LMOD3: variants seen among roughly 807,000 people sequenced by gnomAD.
The protein encoded by LMOD3 is leiomodin 3, also known as leiomodin-3.
A neutral mutation model predicts 41.8 loss-of-function variants in LMOD3; 31 were observed. The ratio of observed to expected loss-of-function variants is 0.74; its 90% CI spans 0.56 to 1.00. LMOD3 has a LOEUF of 1.00. Among genes scored for constraint, LMOD3 ranks in the 50% least tolerant of loss-of-function variants. The pLI is 0.00. For missense variants in LMOD3, 755 were observed against 679.5 expected, an observed-to-expected ratio of 1.11 and a Z score of -1.23; for synonymous variants, 292 against 241.9, an observed-to-expected ratio of 1.21 and a Z score of -1.92.
Position 69,107,453 on chromosome 3 carries a change from G to GTTTTTTTTTTTTTTTTTTTTTT in LMOD3, c.*1620_*1641dup, listed in dbSNP as rs752807599. On this transcript the variant is annotated 3_prime_UTR_variant, in exon 3 of 3. Transcript: ENST00000420581. The stretch of plus-strand genomic sequence containing the variant: ...AAAGAAGAGAGAAAAGGCACCAAAG[G>GTTTTTTTTTTTTTTTTTTTTTT]TTTTTTTTTTTTTTTTTTTTTTTTT... 5 of 37,374 alleles carry GTTTTTTTTTTTTTTTTTTTTTT rather than the reference G, an allele frequency of 1.3e-4. 1 individual carries two copies. Among genetic ancestry groups the GTTTTTTTTTTTTTTTTTTTTTT allele is most frequent in the Non-Finnish European group, 2.3e-4 (4 of 17,718 alleles). The allele number at this position is 37,374 out of a possible 1,614,324, so 2.3% of individuals were successfully genotyped here. A position where few individuals can be genotyped will look rare whatever the true frequency, so the allele number is the denominator to read the frequency against.
At chr3:69,109,765 G>A (rs538314029) in intron 2 of LMOD3, among the ~76,000 whole-genome samples, 5 of 152,128 alleles carry the variant, frequency 3.3e-5, no homozygotes, top group Non-Finnish European at 5.9e-5. Flanking sequence ...CTGGCCTCAA[G>A]TGATTCACTT....
At chr3:69,116,412 G>A (rs2092373276) in intron 2 of LMOD3, among the ~76,000 whole-genome samples, 1 of 152,196 alleles carries the variant, frequency 6.6e-6, no homozygotes, top group South Asian at 2.1e-4. Flanking sequence ...AACCGAGGGT[G>A]ATATGCAAGA....
Position 69,107,450 on chromosome 3 carries a change from A to G in LMOD3, c.*1645T>C, listed in dbSNP as rs992475701. ...GGTAAAGAAGAGAGAAAAGGCACCA[A>G]AGGTTTTTTTTTTTTTTTTTTTTTT... On this transcript the variant is annotated 3_prime_UTR_variant, in exon 3 of 3. Coordinates refer to ENST00000420581, the MANE Select transcript of LMOD3 (RefSeq NM_198271.5). 1 of 86,238 alleles carries G rather than the reference A, an allele frequency of 1.2e-5. No individual in the cohort carries two copies. Among genetic ancestry groups the G allele is most frequent in the Non-Finnish European group, 2.8e-5 (1 of 36,202 alleles). 5.3% of individuals were successfully genotyped at this position (86,238 alleles called of 1,614,324 possible).
rs537602397 is a variant in LMOD3 at position 69,119,887 on chromosome 3, G to A, written c.468C>T (p.Asp156=). 32 of 1,546,476 alleles carry A rather than the reference G, an allele frequency of 2.1e-5. No homozygotes were observed. The highest frequency in any genetic ancestry group is 1.8e-4 in the African/African-American group (13 of 72,996). ...EDEEEEDDDD[D]DEGEDDGEES... ...CTTCACCATCATCTTCTCCTTCGTC[G>A]TCATCATCATCATCTTCTTCTTCTT... Residue 156 remains aspartate (D), a synonymous_variant, in exon 2 of 3, where the codon GAC becomes GAT. Transcript: ENST00000420581.
At position 69,119,699 on chromosome 3, in the gene LMOD3, T is replaced by C. The variant is rs190038977; in HGVS notation, c.656A>G (p.Lys219Arg). Reference protein sequence around the residue: ...SEKKISKLDPKKLALDTSFLK... With the variant: ...SEKKISKLDPRKLALDTSFLK... ...AAAGCTGGTGTCTAGAGCTAACTTC[T>C]TAGGATCTAATTTCGATATTTTTTT... The change falls in exon 2 of 3, where the codon AAG becomes AGG. Residue 219 changes from lysine to arginine, a missense_variant. Lys to Arg is a conservative substitution (Grantham distance 26, BLOSUM62 2). Coordinates refer to ENST00000420581, the MANE Select transcript of LMOD3 (RefSeq NM_198271.5). 2 of 1,613,854 alleles carry C rather than the reference T, an allele frequency of 1.2e-6. No individual in the cohort carries two copies. Among genetic ancestry groups the C allele is most frequent in the Non-Finnish European group, 1.7e-6 (2 of 1,179,902 alleles).
Position 69,119,267 on chromosome 3 carries a change from A to C in LMOD3, c.1088T>G (p.Leu363Arg), listed in dbSNP as rs751275687. ...CAGGAGAGTGTTGTTTGCCTTCAAA[A>C]GCCTGGCTATTTCCATTTCAGCATG... ...GHHAEMEIARLLKANNTLLKM... is the reference protein window; with the variant it reads ...GHHAEMEIARRLKANNTLLKM... The change falls in exon 2 of 3, where the codon CTT (leucine) becomes CGT (arginine). Residue 363 changes from leucine to arginine, a missense_variant. Physicochemically the swap from Leu to Arg is moderately radical, Grantham distance 102. Transcript: ENST00000420581. 3 of 1,613,966 alleles carry C rather than the reference A, an allele frequency of 1.9e-6. No individual in the cohort carries two copies. Among genetic ancestry groups the C allele is most frequent in the South Asian group, 2.2e-5 (2 of 91,078 alleles).
chr3:69,110,853 A>AAAAAAAAAAAAAAATATATATATATAT (rs1458630453), intron 2 of LMOD3, among the ~76,000 whole-genome samples: 7 of 104,120 alleles, frequency 6.7e-5, no homozygotes, highest in African/African-American at 3.4e-4. Flanking sequence ...AAAAAAAAAA[A>AAAAAAAAAAAAAAATATATATATATAT]ATATATATAT....
intron 1 of LMOD3, among the ~76,000 whole-genome samples, chr3:69,121,085 T>C (rs2092405055): frequency 6.6e-6 from 1 of 152,114 alleles, no homozygotes; most frequent in Non-Finnish European, 1.5e-5. Context: ...GAGCCAACCA[T>C]CAAGCTGTTC....
In LMOD3 at chr3:69,107,971, G is replaced by A. The variant is rs551216049; in HGVS notation, c.*1124C>T. 3.9e-5 allele frequency: 6 copies of A among 152,272 alleles called. No homozygotes were observed. Among genetic ancestry groups the A allele is most frequent in the African/African-American group, 1.2e-4 (5 of 41,540 alleles). The allele number at this position is 152,272 out of a possible 1,614,324, so 9.4% of individuals were successfully genotyped here. On this transcript the variant is annotated 3_prime_UTR_variant, in exon 3 of 3. Transcript: ENST00000420581. The stretch of plus-strand genomic sequence containing the variant: ...CCGGGAGTTGAAGACTGGGTAGGAC[G>A]TTCATTAATGGAGAACAGGAGGGAA...
chr3:69,115,519 A>ACACAC lies in LMOD3; in HGVS notation c.1656+3179_1656+3180insGTGTG, dbSNP rs764920392. On this transcript the variant is annotated intron_variant, in intron 2 of 2. Coordinates refer to ENST00000420581, the MANE Select transcript of LMOD3 (RefSeq NM_198271.5). ...ACACACACACACACACACACACACAAAACTTTTCTAAGAAAAAAATTTGTT... is the reference window on the plus strand; with the variant it reads ...ACACACACACACACACACACACACAACACACAACTTTTCTAAGAAAAAAATTTGTT... Among the ~76,000 whole-genome samples, 2,769 of 143,338 alleles carry ACACAC rather than the reference A, an allele frequency of 0.019. 147 individuals are homozygous for ACACAC. The East Asian group carries it at 0.23, about 12-fold the overall frequency. 94.0% of individuals were successfully genotyped at this position (143,338 alleles called of 152,430 possible).
chr3:69,119,905 TTCTTCTTCA>T lies in LMOD3; in HGVS notation c.441_449del (p.Asp147_Glu149del), dbSNP rs1179727503. ...CTTCGTCGTCATCATCATCATCTTC[TTCTTCTTCA>T]TCTTCTTCATCTGTTTCTTGGATAT... On this transcript the variant is annotated inframe_deletion, in exon 2 of 3. Coordinates refer to ENST00000420581, the MANE Select transcript of LMOD3 (RefSeq NM_198271.5). The T allele has an allele frequency of 1.8e-5, 28 of 1,547,814 alleles. No homozygotes were observed. The highest frequency in any genetic ancestry group is 1.1e-4 in the African/African-American group (8 of 73,128).
intron 2 of LMOD3, among the ~76,000 whole-genome samples, chr3:69,110,853 A>AAAAAAAAAATATAT (rs1458630453): frequency 9.6e-6 from 1 of 104,164 alleles, no homozygotes; most frequent in African/African-American, 4.8e-5. Context: ...AAAAAAAAAA[A>AAAAAAAAAATATAT]ATATATATAT....
intron 2 of LMOD3, among the ~76,000 whole-genome samples, chr3:69,111,318 G>A (rs1470344624): frequency 6.6e-6 from 1 of 152,138 alleles, no homozygotes; most frequent in Non-Finnish European, 1.5e-5. Flanking sequence ...CATGGCTTCT[G>A]ACCCTCTACC....
At chr3:69,109,307 C>T (rs2107519817) in intron 2 of LMOD3, among the ~76,000 whole-genome samples, 186 bp from the exon 3 acceptor site, 1 of 152,156 alleles carries the variant, frequency 6.6e-6, no homozygotes, top group Non-Finnish European at 1.5e-5. Flanking sequence ...TAGACATTTA[C>T]TAATGCCAGG....
At position 69,109,023 on chromosome 3, in the gene LMOD3, A is replaced by G. The variant is rs2092336028; in HGVS notation, c.*72T>C. On this transcript the variant is annotated 3_prime_UTR_variant, in exon 3 of 3. Coordinates refer to ENST00000420581, the MANE Select transcript of LMOD3 (RefSeq NM_198271.5). Reference sequence around the variant, plus strand: ...CGTGGATCCTAAAGTATTGCTGCTGACATAGTCTCCATGCTGTAATCCAAG... The same window carrying G: ...CGTGGATCCTAAAGTATTGCTGCTGGCATAGTCTCCATGCTGTAATCCAAG... 7.7e-7 allele frequency: 1 copy of G among 1,300,302 alleles called. No homozygotes were observed. Among genetic ancestry groups the G allele is most frequent in the South Asian group, 1.3e-5 (1 of 78,218 alleles). The allele number at this position is 1,300,302 out of a possible 1,614,324, so 80.5% of individuals were successfully genotyped here. A position where few individuals can be genotyped will look rare whatever the true frequency, so the allele number is the denominator to read the frequency against.
In LMOD3 at chr3:69,119,987, A is replaced by G. The variant is rs2092399846; in HGVS notation, c.368T>C (p.Leu123Pro). The G allele has an allele frequency of 6.2e-7, 1 of 1,604,188 alleles. No homozygotes were observed. The highest frequency in any genetic ancestry group is 8.5e-7 in the Non-Finnish European group (1 of 1,174,772). ...KNMAQYLKEK[L>P]NNEIVANKRE... ...TTTATTTGCAACTATTTCATTATTG[A>G]GCTTTTCTTTTAAATACTGGGCCAT... The change falls in exon 2 of 3, where the codon CTC becomes CCC. Residue 123 changes from leucine (L) to proline (P), a missense_variant. Coordinates refer to ENST00000420581, the MANE Select transcript of LMOD3 (RefSeq NM_198271.5).
rs181434087 is a variant in LMOD3 at position 69,119,428 on chromosome 3, A to G, written c.927T>C (p.Asn309=). Residue 309 remains asparagine, a synonymous_variant, in exon 2 of 3, where the codon AAT becomes AAC. Coordinates refer to ENST00000420581, the MANE Select transcript of LMOD3 (RefSeq NM_198271.5). ...AFALANMLRE[N]RSITTLNIES... is the part of the protein sequence containing the mutation. ...CGATGTTGAGAGTGGTGATGCTTCTATTTTCACGCAACATGTTAGCCAAGG... is the reference window on the plus strand; with the variant it reads ...CGATGTTGAGAGTGGTGATGCTTCTGTTTTCACGCAACATGTTAGCCAAGG... 1.2e-4 allele frequency: 187 copies of G among 1,613,904 alleles called. 1 individual carries two copies. The African/African-American group carries it at 1.6e-3, about 14-fold the overall frequency.
At chr3:69,114,737 C>T (rs886655469) in intron 2 of LMOD3, among the ~76,000 whole-genome samples, 2 of 152,170 alleles carry the variant, frequency 1.3e-5, no homozygotes, top group Non-Finnish European at 1.5e-5. Flanking sequence ...AAACTCCTGG[C>T]CTCAAGTGAT....
At position 69,118,980 on chromosome 3, in the gene LMOD3, TTTGGGGG is replaced by T. The variant is rs1238774346; in HGVS notation, c.1368_1374del (p.Asn456LysfsTer11). ...TCACTGCGTTGACTAAAGGGGACAT[TTTGGGGG>T]TTGGGAGGCCGAGGTGGCGGTGGCT... On this transcript the variant is annotated frameshift_variant, in exon 2 of 3. Coordinates refer to ENST00000420581, the MANE Select transcript of LMOD3 (RefSeq NM_198271.5). LOFTEE classifies it high-confidence loss of function. 6.2e-7 allele frequency: 1 copy of T among 1,613,194 alleles called. No individual in the cohort carries two copies. Among genetic ancestry groups the T allele is most frequent in the Admixed American group, 1.7e-5 (1 of 59,900 alleles).
Sources: allele counts gnomAD v4.1 joint callset (sites outside exome capture counted in the v4.1 genomes callset), GRCh38; gene constraint gnomAD v4.1.1; transcripts MANE v1.5; gene names NCBI Gene and HGNC (gene_info 2026-07-23, HGNC 2026-07-21).